DNAJC15: variants seen among roughly 807,000 people sequenced by gnomAD.
DNAJC15 encodes the protein dnaJ homolog subfamily C member 15.
Under a neutral mutation model 22.4 loss-of-function variants are expected in DNAJC15, and 27 were observed. The observed-to-expected ratio is 1.20, with a 90% CI of 0.89 to 1.66. The LOEUF (loss-of-function observed/expected upper bound fraction) is 1.66, where lower values mean the gene tolerates loss of function less well. Among genes scored for constraint, DNAJC15 ranks in the 40% most tolerant of loss-of-function variants. DNAJC15 has a pLI of 0.00. For synonymous variants in DNAJC15, 79 were observed against 63.2 expected (o/e 1.25, Z -1.19); for missense variants, 208 against 187.1 (o/e 1.11, Z -0.65).
intron 3 of DNAJC15, among the ~76,000 whole-genome samples, chr13:43,071,083 A>G (rs2040606622): frequency 2.0e-5 from 3 of 152,228 alleles, no homozygotes; most frequent in South Asian, 2.1e-4. Flanking sequence ...GATCTTCAAT[A>G]TAGTGTAAAT....
At chr13:43,075,708 G>T (rs904811530) in intron 3 of DNAJC15, among the ~76,000 whole-genome samples, 3 of 152,162 alleles carry the variant, frequency 2.0e-5, no homozygotes, top group Admixed American at 6.5e-5. Context: ...CATTGCCCAG[G>T]CTGGAGTGCA....
intron 1 of DNAJC15, among the ~76,000 whole-genome samples, chr13:43,024,416 T>C (rs1354096151): frequency 7.2e-6 from 1 of 139,790 alleles, no homozygotes; most frequent in Non-Finnish European, 1.5e-5. Context: ...CGATCTCGGC[T>C]CACTGCAAGC....
chr13:43,064,862 C>T lies in DNAJC15; in HGVS notation c.109-824C>T, dbSNP rs796965436. ...GACTTCTCAGAAGTTGCATACACTA[C>T]TCTGGTTGTATCTTACGTGCCAACG... On this transcript the variant is annotated intron_variant, in intron 1 of 5. Transcript: ENST00000379221. Among the ~76,000 whole-genome samples the T allele has an allele frequency of 5.3e-5, 8 of 152,006 alleles. 1 individual carries two copies. Among genetic ancestry groups the T allele is most frequent in the African/African-American group, 1.9e-4 (8 of 41,460 alleles).
intron 3 of DNAJC15, among the ~76,000 whole-genome samples, chr13:43,078,011 T>C (rs1041531895): frequency 6.6e-6 from 1 of 152,226 alleles, no homozygotes; most frequent in African/African-American, 2.4e-5. Flanking sequence ...GTTATTCCAG[T>C]GCTCTGGCTT....
At chr13:43,102,380 G>T (rs2040773552) in intron 5 of DNAJC15, among the ~76,000 whole-genome samples, 1 of 152,126 alleles carries the variant, frequency 6.6e-6, no homozygotes, top group Non-Finnish European at 1.5e-5. Context: ...TCTGTGGGTT[G>T]TCTGTTTATT....
chr13:43,024,567 A>C (rs990975927), intron 1 of DNAJC15, among the ~76,000 whole-genome samples: 3 of 151,706 alleles, frequency 2.0e-5, no homozygotes, highest in Non-Finnish European at 4.4e-5. Flanking sequence ...GATGGTCTCG[A>C]TCTGCTTACC....
At chr13:43,049,378 T>C (rs1358682474) in intron 1 of DNAJC15, among the ~76,000 whole-genome samples, 1 of 152,220 alleles carries the variant, frequency 6.6e-6, no homozygotes, top group African/African-American at 2.4e-5. Flanking sequence ...GGATCAGATA[T>C]GGTGTTGTGC....
At chr13:43,071,541 C>A (rs2040609224) in intron 3 of DNAJC15, among the ~76,000 whole-genome samples, 1 of 152,188 alleles carries the variant, frequency 6.6e-6, no homozygotes, top group Non-Finnish European at 1.5e-5. Flanking sequence ...AACTAGTAAT[C>A]ATTTCCAGGG....
chr13:43,052,233 G>T (rs113550268), intron 1 of DNAJC15, among the ~76,000 whole-genome samples: 5,111 of 152,106 alleles, frequency 0.034, 299 homozygotes, highest in African/African-American at 0.12. Flanking sequence ...AAAGTGCTGG[G>T]ATTACAGGTG....
At chr13:43,093,178 G>A (rs1183468040) in intron 5 of DNAJC15, among the ~76,000 whole-genome samples, 6 of 151,550 alleles carry the variant, frequency 4.0e-5, no homozygotes, top group African/African-American at 9.7e-5. Flanking sequence ...GTAATTTTAC[G>A]TATCTTTTCC....
intron 3 of DNAJC15, among the ~76,000 whole-genome samples, chr13:43,069,836 A>G (rs1379867821): frequency 1.3e-5 from 2 of 152,200 alleles, no homozygotes; most frequent in Non-Finnish European, 2.9e-5. Flanking sequence ...CAGTAATTAA[A>G]CAGGGAAAGT....
At position 43,111,084 on chromosome 13, in the gene DNAJC15, A is replaced by C. The variant is rs2040822620; in HGVS notation, c.*3836A>C. 1 of 152,238 alleles carries C rather than the reference A, an allele frequency of 6.6e-6. No homozygotes were observed. Among genetic ancestry groups the C allele is most frequent in the African/African-American group, 2.4e-5 (1 of 41,464 alleles). 9.4% of individuals were successfully genotyped at this position (152,238 alleles called of 1,614,324 possible). On this transcript the variant is annotated 3_prime_UTR_variant, in exon 6 of 6. Transcript: ENST00000379221. ...CAAGGACAGTTAATTCAAGGGGAAC[A>C]TAGAAAGCTATTTAGATTTTAGTTG...
chr13:43,041,405 A>C (rs1207440402), intron 1 of DNAJC15, among the ~76,000 whole-genome samples: 3 of 152,232 alleles, frequency 2.0e-5, no homozygotes, highest in Admixed American at 1.3e-4. Context: ...ACAGCATCTC[A>C]AGGCAGAAGA....
At position 43,109,892 on chromosome 13, in the gene DNAJC15, G is replaced by A. The variant is rs908273513; in HGVS notation, c.*2644G>A. 2 of 152,028 alleles carry A rather than the reference G, an allele frequency of 1.3e-5. No individual in the cohort carries two copies. Among genetic ancestry groups the A allele is most frequent in the African/African-American group, 4.8e-5 (2 of 41,380 alleles). 9.4% of individuals were successfully genotyped at this position (152,028 alleles called of 1,614,324 possible). A position where few individuals can be genotyped will look rare whatever the true frequency, so the allele number is the denominator to read the frequency against. ...AATTTTAAAAAATCCTGTCAAATAA[G>A]GTTATAGTAGAGAATAAGGATGTGT... On this transcript the variant is annotated 3_prime_UTR_variant, in exon 6 of 6. Coordinates refer to ENST00000379221, the MANE Select transcript of DNAJC15 (RefSeq NM_013238.3).
intron 5 of DNAJC15, among the ~76,000 whole-genome samples, chr13:43,091,617 T>C (rs1350147762): frequency 6.6e-6 from 1 of 152,238 alleles, no homozygotes; most frequent in Non-Finnish European, 1.5e-5. Flanking sequence ...TCATCTCTTA[T>C]TAATCTGTTT....
chr13:43,081,407 A>G (rs2040660627), intron 4 of DNAJC15, among the ~76,000 whole-genome samples: 1 of 152,090 alleles, frequency 6.6e-6, no homozygotes, highest in South Asian at 2.1e-4. Flanking sequence ...GAACCTATCA[A>G]CAGTATTGTG....
At chr13:43,059,137 T>C in intron 1 of DNAJC15, among the ~76,000 whole-genome samples, 1 of 151,812 alleles carries the variant, frequency 6.6e-6, no homozygotes, top group Non-Finnish European at 1.5e-5. Flanking sequence ...TAGTCCAGCT[T>C]CCTCTCCACC....
At chr13:43,083,036 GTAATCCTTTA>G (rs896966189) in intron 4 of DNAJC15, among the ~76,000 whole-genome samples, 16 of 152,108 alleles carry the variant, frequency 1.1e-4, no homozygotes, top group African/African-American at 3.9e-4. Context: ...TATTTGCATA[GTAATCCTTTA>G]TAATATTAGT....
intron 1 of DNAJC15, among the ~76,000 whole-genome samples, chr13:43,046,564 G>C (rs370223605): frequency 9.2e-5 from 14 of 152,122 alleles, no homozygotes; most frequent in African/African-American, 3.4e-4. Context: ...GCTAAAAGCA[G>C]GAGGTAAAGA....
Sources: gnomAD v4.1 joint callset for allele counts (sites outside exome capture counted in the v4.1 genomes callset) on GRCh38, gnomAD v4.1.1 for gene constraint, MANE v1.5 for transcripts, NCBI Gene and HGNC (gene_info 2026-07-23, HGNC 2026-07-21) for gene names.